The following MPDZ variants were observed in gnomAD, a reference collection of about 807,000 sequenced individuals.
MPDZ encodes the protein multiple PDZ domain crumbs cell polarity complex component.
In MPDZ, 234 loss-of-function variants were observed where a neutral mutation model predicts 239.1. That is an observed-to-expected ratio of 0.98 (90% CI 0.88 to 1.09). MPDZ has a LOEUF of 1.09. Among genes scored for constraint, MPDZ ranks in the 50% least tolerant of loss-of-function variants. MPDZ has a pLI of 0.00. For missense variants in MPDZ, 3,175 were observed against 2,510.0 expected, an observed-to-expected ratio of 1.26 and a Z score of -5.66; for synonymous variants, 1,048 against 881.3, an observed-to-expected ratio of 1.19 and a Z score of -3.35.
At chr9:13,161,201 G>A (rs1433816888) in intron 23 of MPDZ, among the ~76,000 whole-genome samples, 7 of 151,994 alleles carry the variant, frequency 4.6e-5, no homozygotes, top group Non-Finnish European at 1.5e-5. Context: ...AGAGGAATCA[G>A]TGAAGCAAGA....
chr9:13,135,872 C>T (rs1028457246), intron 31 of MPDZ: 32 of 366,356 alleles, frequency 8.7e-5, no homozygotes, highest in Non-Finnish European at 1.5e-4. Flanking sequence ...CTTTTCCTAC[C>T]CTCACTATTC....
At chr9:13,119,708 T>C in intron 38 of MPDZ, 59 bp from the exon 39 acceptor site, 1 of 1,605,114 alleles carries the variant, frequency 6.2e-7, no homozygotes, top group South Asian at 1.1e-5. Context: ...CAATGCTTAT[T>C]TAATAAAAAG....
chr9:13,228,304 T>G (rs1311307713), intron 3 of MPDZ, among the ~76,000 whole-genome samples: 2 of 152,122 alleles, frequency 1.3e-5, no homozygotes, highest in African/African-American at 4.8e-5. Flanking sequence ...GGATTTTAAT[T>G]AGTGCTATTA....
chr9:13,215,623 G>A (rs1958206833), intron 10 of MPDZ, among the ~76,000 whole-genome samples: 1 of 151,396 alleles, frequency 6.6e-6, no homozygotes, highest in South Asian at 2.1e-4. Context: ...TACCTAATAA[G>A]ATAAATCAGC....
chr9:13,212,791 T>TTA (rs754950233), intron 10 of MPDZ, among the ~76,000 whole-genome samples: 1 of 110,590 alleles, frequency 9.0e-6, no homozygotes, highest in Non-Finnish European at 1.8e-5. Flanking sequence ...GGTCAAGGTT[T>TTA]AAAAAAAAAA....
At chr9:13,130,224 T>TG (rs1294280904) in intron 32 of MPDZ, among the ~76,000 whole-genome samples, 1 of 152,196 alleles carries the variant, frequency 6.6e-6, no homozygotes, top group Non-Finnish European at 1.5e-5. Flanking sequence ...GAGAGCTTTC[T>TG]GCTTATATTC....
chr9:13,136,215 A>T, intron 30 of MPDZ, 33 bp from the exon 31 acceptor site: 2 of 1,408,844 alleles, frequency 1.4e-6, no homozygotes, highest in Non-Finnish European at 2.0e-6. Flanking sequence ...CTATTATAAC[A>T]TCATGGTATT....
intron 10 of MPDZ, among the ~76,000 whole-genome samples, chr9:13,214,894 A>T (rs1374311515): frequency 6.6e-6 from 1 of 151,922 alleles, no homozygotes; most frequent in Non-Finnish European, 1.5e-5. Flanking sequence ...GGAGTTTCAC[A>T]GAACAAAACC....
At chr9:13,117,275 T>C (rs1325212924) in intron 39 of MPDZ, among the ~76,000 whole-genome samples, 1 of 152,142 alleles carries the variant, frequency 6.6e-6, no homozygotes, top group Non-Finnish European at 1.5e-5. Context: ...GTTAAAATAG[T>C]TGTCATGACA....
At chr9:13,164,078 G>A (rs916815916) in intron 22 of MPDZ, among the ~76,000 whole-genome samples, 2 of 152,152 alleles carry the variant, frequency 1.3e-5, no homozygotes, top group Non-Finnish European at 2.9e-5. Context: ...CCAAATAGAA[G>A]TGAGTGCTAT....
intron 29 of MPDZ, 115 bp from the exon 30 acceptor site, chr9:13,136,918 T>G (rs111413201): frequency 9.5e-6 from 5 of 528,768 alleles, no homozygotes; most frequent in Non-Finnish European, 1.6e-5. Context: ...TATTTTATAT[T>G]AAATGTTATA....
chr9:13,124,116 C>T (rs1944772677), intron 35 of MPDZ, among the ~76,000 whole-genome samples: 1 of 152,132 alleles, frequency 6.6e-6, no homozygotes, highest in Non-Finnish European at 1.5e-5. Context: ...AAGATGTTCT[C>T]TTTTTAGGAA....
At chr9:13,144,447 T>C (rs1023527427) in intron 26 of MPDZ, among the ~76,000 whole-genome samples, 2 of 152,182 alleles carry the variant, frequency 1.3e-5, no homozygotes, top group East Asian at 3.9e-4. Context: ...GCACAATAAA[T>C]TCTTCTCCTT....
At chr9:13,132,033 T>C (rs1406584733) in intron 32 of MPDZ, among the ~76,000 whole-genome samples, 1 of 152,248 alleles carries the variant, frequency 6.6e-6, no homozygotes, top group East Asian at 1.9e-4. Flanking sequence ...AAATACATTC[T>C]AGCTACCTGA....
intron 3 of MPDZ, among the ~76,000 whole-genome samples, chr9:13,228,002 G>A (rs1379205338): frequency 6.6e-6 from 1 of 152,224 alleles, no homozygotes; most frequent in African/African-American, 2.4e-5. Flanking sequence ...TGAGGAATAC[G>A]AGTGTATCTT....
chr9:13,131,102 G>C (rs1014510210), intron 32 of MPDZ, among the ~76,000 whole-genome samples: 1 of 152,024 alleles, frequency 6.6e-6, no homozygotes. Flanking sequence ...AAATATATAG[G>C]ATAGTAAAAA....
chr9:13,164,609 T>C (rs1238312383), intron 22 of MPDZ, among the ~76,000 whole-genome samples: 1 of 152,182 alleles, frequency 6.6e-6, no homozygotes, highest in African/African-American at 2.4e-5. Context: ...AAGGTAAAGA[T>C]GTTTCCATCC....
intron 30 of MPDZ, 70 bp from the exon 31 acceptor site, chr9:13,136,252 A>G (rs1946726824): frequency 1.4e-5 from 15 of 1,041,836 alleles, no homozygotes; most frequent in Non-Finnish European, 2.0e-5. Flanking sequence ...TTCAAGAGTC[A>G]GAAGGTTATT....
chr9:13,205,073 C>A lies in MPDZ; in HGVS notation c.1509G>T (p.Ser503=). 2.1e-6 allele frequency: 3 copies of A among 1,457,754 alleles called. No homozygotes were observed. The highest frequency in any genetic ancestry group is 1.5e-5 in the South Asian group (1 of 64,838). 90.3% of individuals were successfully genotyped at this position (1,457,754 alleles called of 1,614,324 possible). Residue 503 remains serine, a synonymous_variant, in exon 12 of 47, where the codon TCG becomes TCT. Coordinates refer to ENST00000319217, the MANE Select transcript of MPDZ (RefSeq NM_001378778.1). ...NYEKDEDFLS[S]TRNTNILPTE... is the part of the protein sequence containing the mutation. ...TTGGTAATATGTTGGTGTTTCTCGT[C>A]GAAGATAAAAAATCTTCATCTTTTT...
Sources: gnomAD v4.1 joint callset for allele counts (sites outside exome capture counted in the v4.1 genomes callset) on GRCh38, gnomAD v4.1.1 for gene constraint, MANE v1.5 for transcripts, NCBI Gene and HGNC (gene_info 2026-07-23, HGNC 2026-07-21) for gene names.